MTOR: variants seen among roughly 807,000 people sequenced by gnomAD.
The protein encoded by MTOR is mechanistic target of rapamycin kinase.
A neutral mutation model predicts 319.8 loss-of-function variants in MTOR; 70 were observed. The ratio of observed to expected loss-of-function variants is 0.22; its 90% CI spans 0.18 to 0.27. MTOR has a LOEUF of 0.27. Ranked by LOEUF, MTOR falls within the 10% of genes least tolerant of loss-of-function variation. MTOR has a pLI of 1.00. For synonymous variants in MTOR, 1,183 were observed against 1,211.4 expected (o/e 0.98, Z 0.49); for missense variants, 1,890 against 3,274.4 (o/e 0.58, Z 10.32).
chr1:11,152,568 T>C (rs1644184218), intron 30 of MTOR: 1 of 152,096 alleles, frequency 6.6e-6, no homozygotes, highest in African/African-American at 2.4e-5. Context: ...GGGTTCACTT[T>C]AGTTCACTTT....
intron 32 of MTOR, among the ~76,000 whole-genome samples, chr1:11,145,981 T>A (rs1643916257): frequency 6.6e-6 from 1 of 152,164 alleles, no homozygotes; most frequent in Non-Finnish European, 1.5e-5. Flanking sequence ...CGGGAACTCT[T>A]GTGTCTCTGA....
At position 11,157,248 on chromosome 1, in the gene MTOR, T is replaced by A. The variant is rs2100568113; in HGVS notation, c.4373A>T (p.Asp1458Val). 6.2e-7 allele frequency: 1 copy of A among 1,614,132 alleles called. No individual in the cohort carries two copies. Among genetic ancestry groups the A allele is most frequent in the Non-Finnish European group, 8.5e-7 (1 of 1,179,992 alleles). ...TTTCTTGTCATAGGCCACAAGGGCATCCTCCCACTCGTGCAGTTTCTCATA... is the reference window on the plus strand; with the variant it reads ...TTTCTTGTCATAGGCCACAAGGGCAACCTCCCACTCGTGCAGTTTCTCATA... ...TWYEKLHEWE[D>V]ALVAYDKKMD... Residue 1458 changes from aspartate to valine, a missense_variant, in exon 30 of 58, where the codon GAT becomes GTT. This residue lies in a region of MTOR where 276 missense variants were observed against 459.4 expected (regional missense o/e 0.60). Coordinates refer to ENST00000361445, the MANE Select transcript of MTOR (RefSeq NM_004958.4).
chr1:11,138,764 A>G (rs977176053), intron 36 of MTOR, among the ~76,000 whole-genome samples: 2 of 152,090 alleles, frequency 1.3e-5, no homozygotes, highest in African/African-American at 4.8e-5. Flanking sequence ...AAAGAAAAAA[A>G]CCCCCAAACC....
chr1:11,251,329 C>A (rs1286793456), intron 6 of MTOR, among the ~76,000 whole-genome samples: 2 of 152,198 alleles, frequency 1.3e-5, no homozygotes, highest in East Asian at 3.8e-4. Context: ...TCCCCAGATA[C>A]CTGTAGGGCT....
chr1:11,202,126 G>A (rs915466265), intron 26 of MTOR, among the ~76,000 whole-genome samples: 1 of 152,080 alleles, frequency 6.6e-6, no homozygotes. Context: ...ATTTTAAATG[G>A]CTGTTTAAGA....
rs1332453214 is a variant in MTOR at position 11,253,933 on chromosome 1, A to G, written c.746T>C (p.Leu249Ser). 1 of 1,613,996 alleles carries G rather than the reference A, an allele frequency of 6.2e-7. No individual in the cohort carries two copies. Among genetic ancestry groups the G allele is most frequent in the Non-Finnish European group, 8.5e-7 (1 of 1,180,026 alleles). ...CCGATTCATGCCCTTCTCTTTGGCC[A>G]AGGTCTCATCAAATCCCTTCTCTGC... ...EEAEKGFDET[L>S]AKEKGMNRDD... The change falls in exon 6 of 58, where the codon TTG becomes TCG. Residue 249 changes from leucine (L) to serine (S), a missense_variant. Leu to Ser is a moderately radical substitution (Grantham distance 145). This residue lies in a region of MTOR where 418 missense variants were observed against 543.1 expected (regional missense o/e 0.77). Transcript: ENST00000361445.
At chr1:11,140,625 A>G (rs1643652931) in intron 34 of MTOR, among the ~76,000 whole-genome samples, 1 of 152,138 alleles carries the variant, frequency 6.6e-6, no homozygotes, top group Admixed American at 6.5e-5. Flanking sequence ...GTCACTTGCT[A>G]CCCTATGTGA....
intron 19 of MTOR, 50 bp downstream of exon 19, chr1:11,228,618 C>T (rs1199663703): frequency 1.9e-6 from 3 of 1,594,916 alleles, no homozygotes; most frequent in African/African-American, 1.3e-5. Context: ...TGGATCTGTG[C>T]ATGTGTGGTG....
intron 18 of MTOR, among the ~76,000 whole-genome samples, chr1:11,229,349 C>T (rs1413625643): frequency 1.3e-5 from 2 of 152,218 alleles, no homozygotes; most frequent in African/African-American, 2.4e-5. Context: ...TAGGCAAATA[C>T]TACCTACCTG....
At chr1:11,108,105 G>T in intron 57 of MTOR, 76 bp downstream of exon 57, 3 of 1,169,220 alleles carry the variant, frequency 2.6e-6, no homozygotes, top group East Asian at 2.4e-5. Context: ...ATCTCTTTTT[G>T]CTACTCTGGC....
At chr1:11,154,815 C>T (rs1456821821) in intron 30 of MTOR, among the ~76,000 whole-genome samples, 2 of 151,670 alleles carry the variant, frequency 1.3e-5, no homozygotes, top group Non-Finnish European at 2.9e-5. Flanking sequence ...CACCACTGTA[C>T]TCCACTGAGA....
chr1:11,232,150 C>T (rs1021422023), intron 16 of MTOR, among the ~76,000 whole-genome samples: 18 of 152,196 alleles, frequency 1.2e-4, no homozygotes, highest in Non-Finnish European at 2.4e-4. Flanking sequence ...TTCTTTTTCC[C>T]TCTGAGAGCT....
intron 29 of MTOR, 105 bp downstream of exon 29, chr1:11,167,337 T>C: frequency 2.4e-6 from 2 of 845,524 alleles, no homozygotes; most frequent in Non-Finnish European, 4.0e-6. Flanking sequence ...CTGTTATGAA[T>C]TGGAGAAAAA....
intron 26 of MTOR, among the ~76,000 whole-genome samples, chr1:11,200,032 G>A (rs747398322): frequency 3.3e-5 from 5 of 152,172 alleles, no homozygotes; most frequent in Admixed American, 6.5e-5. Flanking sequence ...GTGGCAGGGC[G>A]GGGAGAAGAG....
In MTOR at chr1:11,130,534, T is replaced by A. The variant is rs2100429531; in HGVS notation, c.5608A>T (p.Thr1870Ser). The change falls in exon 39 of 58, where the codon ACT becomes TCT. Residue 1870 changes from threonine (T) to serine (S), a missense_variant. By Grantham distance (58) the Thr-to-Ser change is moderately conservative. Coordinates refer to ENST00000361445, the MANE Select transcript of MTOR (RefSeq NM_004958.4). ...PTPSPLQKKV[T>S]EDLSKTLLMY... ...AAGGAAGAAGGGAAGGGTACCTCAG[T>A]GACCTTCTTCTGCAGCGGCGATGGG... The A allele has an allele frequency of 6.2e-7, 1 of 1,612,874 alleles. No homozygotes were observed. Among genetic ancestry groups the A allele is most frequent in the African/African-American group, 1.3e-5 (1 of 74,946 alleles).
rs1557845598 is a variant in MTOR at position 11,209,366 on chromosome 1, T to C, written c.3747A>G (p.Pro1249=). ...GTTTCTTCATGGGTCCTGTTTCCACTGGTCCACTAGCCAATGCATCCCCTT... is the reference window on the plus strand; with the variant it reads ...GTTTCTTCATGGGTCCTGTTTCCACCGGTCCACTAGCCAATGCATCCCCTT... The part of the protein sequence containing the change: ...SGQGDALASG[P]VETGPMKKLH... The change falls in exon 25 of 58, where the codon CCA becomes CCG. Residue 1249 remains proline (P), a synonymous_variant. Coordinates refer to ENST00000361445, the MANE Select transcript of MTOR (RefSeq NM_004958.4). The C allele has an allele frequency of 6.2e-7, 1 of 1,614,218 alleles. No individual in the cohort carries two copies. The highest frequency in any genetic ancestry group is 2.2e-5 in the East Asian group (1 of 44,884).
At chr1:11,171,251 G>C (rs1364973942) in intron 28 of MTOR, among the ~76,000 whole-genome samples, 1 of 150,082 alleles carries the variant, frequency 6.7e-6, no homozygotes, top group Non-Finnish European at 1.5e-5. Context: ...CTTCAATCTT[G>C]TGCTCTGGAA....
chr1:11,106,771 T>G lies in MTOR; in HGVS notation c.*714A>C. 8.0e-7 allele frequency: 1 copy of G among 1,255,368 alleles called. No homozygotes were observed. The highest frequency in any genetic ancestry group is 1.0e-6 in the Non-Finnish European group (1 of 983,722). 77.8% of individuals were successfully genotyped at this position (1,255,368 alleles called of 1,614,324 possible). A position where few individuals can be genotyped will look rare whatever the true frequency, so the allele number is the denominator to read the frequency against. Reference sequence around the variant, plus strand: ...CACTGAAAACATCCCAGAACCCTGCTGCAGAAGGCCAGTGAGGGTGGTCCC... The same window carrying G: ...CACTGAAAACATCCCAGAACCCTGCGGCAGAAGGCCAGTGAGGGTGGTCCC... On this transcript the variant is annotated 3_prime_UTR_variant, in exon 58 of 58. Coordinates refer to ENST00000361445, the MANE Select transcript of MTOR (RefSeq NM_004958.4).
Position 11,134,458 on chromosome 1 carries a change from G to A in MTOR, c.5139C>T (p.Ala1713=), listed in dbSNP as rs533469090. 8.7e-6 allele frequency: 14 copies of A among 1,614,146 alleles called. No homozygotes were observed. In the South Asian group the frequency reaches 1.1e-4, roughly 13 times the overall value. ...GGACAAAATGCTGCATGTGCTGGAA[G>A]GCATCGATCTGTAACAGGACAAAGG... is the stretch of plus-strand genomic sequence containing the variant. ...NMWKSARKID[A]FQHMQHFVQT... is the part of the protein sequence containing the mutation. Residue 1713 remains alanine (A), a synonymous_variant, in exon 37 of 58, where the codon GCC becomes GCT. Transcript: ENST00000361445.
Sources: gnomAD v4.1 joint callset for allele counts (sites outside exome capture counted in the v4.1 genomes callset) on GRCh38, gnomAD v4.1.1 for gene constraint, gnomAD v4.1.1 regional missense constraint, MANE v1.5 for transcripts, NCBI Gene and HGNC (gene_info 2026-07-23, HGNC 2026-07-21) for gene names.